The following STEAP2 variants were observed in gnomAD, a reference collection of about 807,000 sequenced individuals.
STEAP2 encodes the protein metalloreductase STEAP2.
STEAP2 carries 30 observed loss-of-function variants against 46.4 expected under a neutral mutation model. That is an observed-to-expected ratio of 0.65 (90% CI 0.48 to 0.88). The LOEUF is 0.88. Among genes scored for constraint, STEAP2 ranks in the 40% least tolerant of loss-of-function variants. The pLI is 0.00. For missense variants in STEAP2, 513 were observed against 579.3 expected, an observed-to-expected ratio of 0.89 and a Z score of 1.18; for synonymous variants, 180 against 200.5, an observed-to-expected ratio of 0.90 and a Z score of 0.86.
intron 2 of STEAP2, among the ~76,000 whole-genome samples, chr7:90,222,719 T>A (rs1795301967): frequency 6.6e-6 from 1 of 152,212 alleles, no homozygotes; most frequent in Non-Finnish European, 1.5e-5. Context: ...AATATTACTA[T>A]AATTATTGTC....
Position 90,234,082 on chromosome 7 carries a change from C to A in STEAP2, c.*1458C>A. ...TCTGTAGAGTTAGTCTTCTCCTTTT[C>A]TCTTCCTGAGAAGTTCTCCTGCCTG... On this transcript the variant is annotated 3_prime_UTR_variant, in exon 6 of 6. Coordinates refer to ENST00000394621, the MANE Select transcript of STEAP2 (RefSeq NM_001244944.2). 1 of 985,382 alleles carries A rather than the reference C, an allele frequency of 1.0e-6. No individual in the cohort carries two copies. The highest frequency in any genetic ancestry group is 4.7e-5 in the South Asian group (1 of 21,284). 61.0% of individuals were successfully genotyped at this position (985,382 alleles called of 1,614,324 possible).
intron 1 of STEAP2, among the ~76,000 whole-genome samples, chr7:90,214,912 G>A (rs1794954702): frequency 6.6e-6 from 1 of 152,142 alleles, no homozygotes; most frequent in Non-Finnish European, 1.5e-5. Context: ...AAGAGCCCCT[G>A]AAGTTGAATG....
rs767831468 is a variant in STEAP2, at chr7:90,225,237, GC to G, written c.156del (p.Cys52TrpfsTer7). On this transcript the variant is annotated frameshift_variant, in exon 3 of 6. Coordinates refer to ENST00000394621, the MANE Select transcript of STEAP2 (RefSeq NM_001244944.2). LOFTEE classifies it high-confidence loss of function. ...TCCTTGACCATTCGACTTATTAGAT[GC>G]GGCTATCATGTGGTCATAGGAAGTA... ...AKSLTIRLIRCGYHVVIGSRN... is the reference protein window; with the variant it reads ...AKSLTIRLIRXGYHVVIGSRN... The G allele has an allele frequency of 1.0e-4, 167 of 1,613,884 alleles. No individual in the cohort carries two copies. The highest frequency in any genetic ancestry group is 1.3e-4 in the Admixed American group (8 of 59,952).
At chr7:90,217,629 A>T (rs1168240037) in intron 2 of STEAP2, among the ~76,000 whole-genome samples, 2 of 151,034 alleles carry the variant, frequency 1.3e-5, no homozygotes, top group East Asian at 1.9e-4. Flanking sequence ...TTGTGTATAC[A>T]TACCACATTT....
intron 4 of STEAP2, among the ~76,000 whole-genome samples, chr7:90,229,597 C>A (rs1055447342): frequency 2.0e-4 from 30 of 152,096 alleles, no homozygotes; most frequent in African/African-American, 6.3e-4. Flanking sequence ...TTCCAGAGTC[C>A]CTGTAATGAT....
intron 2 of STEAP2, among the ~76,000 whole-genome samples, chr7:90,224,580 C>T (rs1416965964): frequency 6.6e-6 from 1 of 152,168 alleles, no homozygotes; most frequent in African/African-American, 2.4e-5. Flanking sequence ...AATTCTTTCC[C>T]ATGCAAAGCC....
At chr7:90,232,291 T>C (rs889430239) in intron 5 of STEAP2, 46 bp from the exon 6 acceptor site, 1 of 1,494,072 alleles carries the variant, frequency 6.7e-7, no homozygotes, top group Non-Finnish European at 8.9e-7. Flanking sequence ...GTTTCAGTCA[T>C]TTGTTTCTTA....
rs1298780429 is a variant in STEAP2, at chr7:90,227,213, T to C, written c.735T>C (p.Ser245=). The change falls in exon 4 of 6, where the codon AGT becomes AGC. Residue 245 remains serine, a synonymous_variant. Coordinates refer to ENST00000394621, the MANE Select transcript of STEAP2 (RefSeq NM_001244944.2). ...ATCCATATGCTAGAAACCAACAGAG[T>C]GACTTTTACAAAATTCCTATAGAGA... The part of the protein sequence containing the change: ...VIHPYARNQQ[S]DFYKIPIEIV... The C allele has an allele frequency of 6.2e-7, 1 of 1,613,788 alleles. No individual in the cohort carries two copies. The highest frequency in any genetic ancestry group is 8.5e-7 in the Non-Finnish European group (1 of 1,179,836).
intron 2 of STEAP2, among the ~76,000 whole-genome samples, chr7:90,224,574 C>G (rs187866730): frequency 3.7e-4 from 56 of 152,332 alleles, no homozygotes; most frequent in Non-Finnish European, 6.5e-4. Context: ...CCCTTGAATT[C>G]TTTCCCATGC....
intron 2 of STEAP2, among the ~76,000 whole-genome samples, chr7:90,218,694 A>G (rs1795130345): frequency 6.6e-6 from 1 of 152,086 alleles, no homozygotes; most frequent in African/African-American, 2.4e-5. Flanking sequence ...TATATTTTGA[A>G]GTCAGGTAGT....
In STEAP2 at chr7:90,227,414, C is replaced by T. The variant is rs371110364; in HGVS notation, c.936C>T (p.Phe312=). 34 of 1,612,330 alleles carry T rather than the reference C, an allele frequency of 2.1e-5. No homozygotes were observed. The highest frequency in any genetic ancestry group is 1.6e-4 in the Middle Eastern group (1 of 6,066). Residue 312 remains phenylalanine, a synonymous_variant, in exon 4 of 6, where the codon TTC becomes TTT. Coordinates refer to ENST00000394621, the MANE Select transcript of STEAP2 (RefSeq NM_001244944.2). ...RKQLGLLSFF[F]AMVHVAYSLC... is the part of the protein sequence containing the mutation. ...AGCTTGGATTACTAAGTTTTTTCTT[C>T]GCTATGGTCCATGTTGCCTACAGCC...
At chr7:90,216,344 A>G (rs1322086170) in intron 1 of STEAP2, 147 bp from the exon 2 acceptor site, 1 of 152,170 alleles carries the variant, frequency 6.6e-6, no homozygotes, top group Admixed American at 6.5e-5. Context: ...TGATGCCTGG[A>G]GAACTGGGGA....
chr7:90,225,333 CA>C lies in STEAP2; in HGVS notation c.256del (p.Thr86GlnfsTer3). ...VDVTHHEDAL[T>X]KTNIIFVAIH... ...GTCACTCATCATGAAGATGCTCTCA[CA>C]AAAACAAATATAATATTTGTTGCTA... On this transcript the variant is annotated frameshift_variant, in exon 3 of 6. Coordinates refer to ENST00000394621, the MANE Select transcript of STEAP2 (RefSeq NM_001244944.2). LOFTEE classifies it high-confidence loss of function. 18 of 1,613,894 alleles carry C rather than the reference CA, an allele frequency of 1.1e-5. No homozygotes were observed. The highest frequency in any genetic ancestry group is 1.4e-5 in the Non-Finnish European group (17 of 1,179,946).
chr7:90,241,784 T>C (rs1378783170), downstream of STEAP2, among the ~76,000 whole-genome samples: 5 of 152,172 alleles, frequency 3.3e-5, no homozygotes, highest in African/African-American at 7.2e-5. Flanking sequence ...GCTGAACCAG[T>C]TGATACCATT....
chr7:90,223,214 A>G (rs1420397330), intron 2 of STEAP2, among the ~76,000 whole-genome samples: 1 of 152,172 alleles, frequency 6.6e-6, no homozygotes, highest in Non-Finnish European at 1.5e-5. Flanking sequence ...GTGAAAGATG[A>G]TTTTATTCAA....
downstream of STEAP2, chr7:90,238,058 A>T (rs970160589): frequency 2.6e-5 from 19 of 717,316 alleles, no homozygotes; most frequent in African/African-American, 2.6e-4. Flanking sequence ...AGCCATGCCT[A>T]CATCCTCTTG....
chr7:90,234,081 TC>T lies in STEAP2; in HGVS notation c.*1458del, dbSNP rs1305613275. The T allele has an allele frequency of 1.0e-6, 1 of 985,278 alleles. No individual in the cohort carries two copies. Among genetic ancestry groups the T allele is most frequent in the Non-Finnish European group, 1.2e-6 (1 of 829,932 alleles). 61.0% of individuals were successfully genotyped at this position (985,278 alleles called of 1,614,324 possible). A position where few individuals can be genotyped will look rare whatever the true frequency, so the allele number is the denominator to read the frequency against. On this transcript the variant is annotated 3_prime_UTR_variant, in exon 6 of 6. Transcript: ENST00000394621. ...CTCTGTAGAGTTAGTCTTCTCCTTTTCTCTTCCTGAGAAGTTCTCCTGCCTG... is the reference window on the plus strand; with the variant it reads ...CTCTGTAGAGTTAGTCTTCTCCTTTTTCTTCCTGAGAAGTTCTCCTGCCTG...
At position 90,235,169 on chromosome 7, in the gene STEAP2, C is replaced by T. The variant is rs1159179533; in HGVS notation, c.*2545C>T. ...TAGCCGATACTCTAAATAAAAATACCACTGTTACAGATAAATGGGGCCTTT... is the reference window on the plus strand; with the variant it reads ...TAGCCGATACTCTAAATAAAAATACTACTGTTACAGATAAATGGGGCCTTT... On this transcript the variant is annotated 3_prime_UTR_variant, in exon 6 of 6. Transcript: ENST00000394621. 5.2e-6 allele frequency: 5 copies of T among 965,598 alleles called. No individual in the cohort carries two copies. Among genetic ancestry groups the T allele is most frequent in the African/African-American group, 1.8e-5 (1 of 56,732 alleles). 59.8% of individuals were successfully genotyped at this position (965,598 alleles called of 1,614,324 possible). A position where few individuals can be genotyped will look rare whatever the true frequency, so the allele number is the denominator to read the frequency against.
Position 90,232,578 on chromosome 7 carries a change from G to T in STEAP2, c.1427G>T (p.Gly476Val), listed in dbSNP as rs1490849071. The T allele has an allele frequency of 1.9e-6, 3 of 1,612,918 alleles. No individual in the cohort carries two copies. The highest frequency in any genetic ancestry group is 2.5e-6 in the Non-Finnish European group (3 of 1,179,356). The change falls in exon 6 of 6, where the codon GGA becomes GTA. Residue 476 changes from glycine to valine, a missense_variant. Transcript: ENST00000394621. ...AGCCAATTTCTGGAAGAAGGTATGGGAGGAACAATTCCTCATGTCTCCCCG... is the reference window on the plus strand; with the variant it reads ...AGCCAATTTCTGGAAGAAGGTATGGTAGGAACAATTCCTCATGTCTCCCCG... ...EKSQFLEEGMGGTIPHVSPER... is the reference protein window; with the variant it reads ...EKSQFLEEGMVGTIPHVSPER...
Sources: allele counts gnomAD v4.1 joint callset (sites outside exome capture counted in the v4.1 genomes callset), GRCh38; gene constraint gnomAD v4.1.1; transcripts MANE v1.5; gene names NCBI Gene and HGNC (gene_info 2026-07-23, HGNC 2026-07-21).